SIK2: variants seen among roughly 807,000 people sequenced by gnomAD.
SIK2 encodes serine/threonine-protein kinase SIK2.
In SIK2, 29 loss-of-function variants were observed where a neutral mutation model predicts 103.2. That is an observed-to-expected ratio of 0.28 (90% CI 0.21 to 0.38). The LOEUF is 0.38. SIK2 is among the 10% of genes least tolerant of loss of function. SIK2 has a pLI of 1.00. For synonymous variants in SIK2, 412 were observed against 446.1 expected, an observed-to-expected ratio of 0.92 and a Z score of 0.96; for missense variants, 879 against 1,171.0, an observed-to-expected ratio of 0.75 and a Z score of 3.64.
intron 3 of SIK2, among the ~76,000 whole-genome samples, chr11:111,625,335 G>A (rs939354599): frequency 1.3e-5 from 2 of 152,118 alleles, no homozygotes; most frequent in Admixed American, 6.5e-5. Context: ...AGCCCAGACC[G>A]GGGAGTAGCA....
At chr11:111,673,986 A>G (rs1294352493) in intron 3 of SIK2, among the ~76,000 whole-genome samples, 1 of 152,018 alleles carries the variant, frequency 6.6e-6, no homozygotes, top group Non-Finnish European at 1.5e-5. Context: ...AGGCAGGAGA[A>G]TCACTTGAAC....
intron 3 of SIK2, among the ~76,000 whole-genome samples, chr11:111,635,445 A>T (rs1224003578): frequency 2.3e-5 from 1 of 42,556 alleles, no homozygotes; most frequent in Non-Finnish European, 3.9e-5. Context: ...GAAGGAAGGG[A>T]GGGAGGGAGG....
At chr11:111,611,203 C>G (rs914478845) in intron 1 of SIK2, among the ~76,000 whole-genome samples, 5 of 150,788 alleles carry the variant, frequency 3.3e-5, no homozygotes, top group African/African-American at 4.9e-5. Flanking sequence ...GAGCTGAGAT[C>G]GCGCCAGTGC....
chr11:111,710,550 C>T (rs548883102), intron 8 of SIK2, among the ~76,000 whole-genome samples: 7 of 152,296 alleles, frequency 4.6e-5, no homozygotes, highest in African/African-American at 1.4e-4. Context: ...AACTAGGAAC[C>T]GTTAGTATTT....
intron 3 of SIK2, among the ~76,000 whole-genome samples, chr11:111,663,156 T>G (rs1942489496): frequency 1.4e-5 from 2 of 147,968 alleles, no homozygotes; most frequent in South Asian, 4.3e-4. Flanking sequence ...ATCACCTGAG[T>G]CCGGTAGTCT....
chr11:111,652,149 A>G (rs1022985164), intron 3 of SIK2, among the ~76,000 whole-genome samples: 7 of 152,244 alleles, frequency 4.6e-5, no homozygotes, highest in Admixed American at 2.6e-4. Flanking sequence ...TATTACATAT[A>G]TACATACATA....
At chr11:111,675,813 A>G (rs1025892958) in intron 3 of SIK2, among the ~76,000 whole-genome samples, 1 of 152,096 alleles carries the variant, frequency 6.6e-6, no homozygotes, top group Non-Finnish European at 1.5e-5. Flanking sequence ...GGTAAATTGT[A>G]TGTTCCTGGG....
At chr11:111,643,546 C>T (rs1401053007) in intron 3 of SIK2, among the ~76,000 whole-genome samples, 2 of 152,058 alleles carry the variant, frequency 1.3e-5, no homozygotes, top group African/African-American at 4.8e-5. Flanking sequence ...CACGGTGGCT[C>T]ACGCCTGTAA....
At chr11:111,676,422 T>C (rs1221804976) in intron 3 of SIK2, among the ~76,000 whole-genome samples, 1 of 152,228 alleles carries the variant, frequency 6.6e-6, no homozygotes, top group African/African-American at 2.4e-5. Flanking sequence ...TGCCAGCATC[T>C]CTTCTTTATG....
At chr11:111,668,179 A>AGTGT (rs112931431) in intron 3 of SIK2, among the ~76,000 whole-genome samples, 10,009 of 151,040 alleles carry the variant, frequency 0.066, 546 homozygotes, top group African/African-American at 0.15. Context: ...TAAAGTAAGG[A>AGTGT]GTGTGTGTGT....
intron 9 of SIK2, among the ~76,000 whole-genome samples, chr11:111,719,360 T>C (rs1202881637): frequency 0.1 from 711 of 6,996 alleles, 4 homozygotes; most frequent in East Asian, 0.25. Flanking sequence ...CTACCCCTTT[T>C]TTTTTTTTTT....
chr11:111,692,107 T>C (rs1942954988), intron 4 of SIK2, among the ~76,000 whole-genome samples: 1 of 151,262 alleles, frequency 6.6e-6, no homozygotes, highest in Admixed American at 6.6e-5. Context: ...TCCTAGCACT[T>C]TGGGAGGCCA....
intron 9 of SIK2, among the ~76,000 whole-genome samples, chr11:111,713,086 G>A (rs747572900): frequency 6.6e-6 from 1 of 152,140 alleles, no homozygotes; most frequent in Non-Finnish European, 1.5e-5. Context: ...AATGTCTTGA[G>A]CCCAGGGGGC....
At chr11:111,706,687 C>T (rs1016815422) in intron 8 of SIK2, among the ~76,000 whole-genome samples, 3 of 151,930 alleles carry the variant, frequency 2.0e-5, no homozygotes, top group Admixed American at 2.0e-4. Flanking sequence ...ATTGGCTGGG[C>T]GTGGTGGCTC....
At chr11:111,650,410 C>T (rs916713492) in intron 3 of SIK2, among the ~76,000 whole-genome samples, 7 of 152,188 alleles carry the variant, frequency 4.6e-5, no homozygotes, top group Admixed American at 3.9e-4. Flanking sequence ...AGAAAAAGCT[C>T]TTACGACAAT....
At chr11:111,611,978 CT>C (rs532765956) in intron 1 of SIK2, among the ~76,000 whole-genome samples, 7 of 148,892 alleles carry the variant, frequency 4.7e-5, no homozygotes, top group Non-Finnish European at 7.5e-5. Context: ...TCCCCAAATA[CT>C]TTTTTTTTTG....
intron 4 of SIK2, among the ~76,000 whole-genome samples, chr11:111,696,373 A>G (rs1591623397): frequency 1.3e-5 from 2 of 152,196 alleles, no homozygotes; most frequent in African/African-American, 4.8e-5. Flanking sequence ...TTAACATTAG[A>G]GGAAGCTGGG....
intron 3 of SIK2, among the ~76,000 whole-genome samples, chr11:111,651,124 C>A (rs1172632769): frequency 1.3e-5 from 2 of 152,040 alleles, no homozygotes; most frequent in Non-Finnish European, 2.9e-5. Flanking sequence ...GAAGATTGTT[C>A]TTTAATTTAC....
At chr11:111,643,111 A>G (rs1219498984) in intron 3 of SIK2, among the ~76,000 whole-genome samples, 1 of 151,968 alleles carries the variant, frequency 6.6e-6, no homozygotes, top group South Asian at 2.1e-4. Context: ...TTATTGGTTT[A>G]TGTATCTTTC....
Sources: allele counts gnomAD v4.1 joint callset (sites outside exome capture counted in the v4.1 genomes callset), GRCh38; gene constraint gnomAD v4.1.1; transcripts MANE v1.5; gene names NCBI Gene and HGNC (gene_info 2026-07-23, HGNC 2026-07-21).